PSMD2: variants seen among roughly 807,000 people sequenced by gnomAD.
PSMD2 encodes proteasome 26S subunit ubiquitin receptor, non-ATPase 2.
In PSMD2, 8 loss-of-function variants were observed where a neutral mutation model predicts 101.5. The ratio of observed to expected loss-of-function variants is 0.08; its 90% CI spans 0.05 to 0.14. PSMD2 has a LOEUF of 0.14. Ranked by LOEUF, PSMD2 falls within the 10% of genes least tolerant of loss-of-function variation. PSMD2 has a pLI of 1.00. For missense variants in PSMD2, 784 were observed against 1,147.4 expected, an observed-to-expected ratio of 0.68 and a Z score of 4.58; for synonymous variants, 418 against 433.8, an observed-to-expected ratio of 0.96 and a Z score of 0.45.
Position 184,301,829 on chromosome 3 carries a change from G to C in PSMD2, c.480-18G>C, listed in dbSNP as rs376549573. ...CCCCTGAAGCTGTGCTCTCTTAATC[G>C]TCTGGGACTATCTGTAGGCATCTGG... On this transcript the variant is annotated intron_variant, in intron 4 of 20. Coordinates refer to ENST00000310118, the MANE Select transcript of PSMD2 (RefSeq NM_002808.5). 13 of 1,613,960 alleles carry C rather than the reference G, an allele frequency of 8.1e-6. No homozygotes were observed. Among genetic ancestry groups the C allele is most frequent in the Non-Finnish European group, 1.1e-5 (13 of 1,180,000 alleles).
chr3:184,304,093 C>G lies in PSMD2; in HGVS notation c.1451+19C>G. ...TCTTTGGGTAAGGTTCCTCGCTTGT[C>G]TTTCTGGTAGTGCTCAGCCTGTACA... On this transcript the variant is annotated intron_variant, in intron 11 of 20. Coordinates refer to ENST00000310118, the MANE Select transcript of PSMD2 (RefSeq NM_002808.5). This position sits in a 1 kb window ranked among gnomAD's most constrained non-coding sequence, Gnocchi z 4.1. The G allele has an allele frequency of 6.2e-7, 1 of 1,613,676 alleles. No individual in the cohort carries two copies. Among genetic ancestry groups the G allele is most frequent in the Admixed American group, 1.7e-5 (1 of 60,020 alleles).
In PSMD2 at chr3:184,307,881, T is replaced by A; in HGVS notation, c.2299-9T>A. On this transcript the variant is annotated splice_polypyrimidine_tract_variant and intron_variant, in intron 18 of 20. Coordinates refer to ENST00000310118, the MANE Select transcript of PSMD2 (RefSeq NM_002808.5). ...ACTCCTCACCTCTACTTCCCTCTGTTTTTTTCAGGGCCTGACACATTTAGG... is the reference window on the plus strand; with the variant it reads ...ACTCCTCACCTCTACTTCCCTCTGTATTTTTCAGGGCCTGACACATTTAGG... 6.2e-7 allele frequency: 1 copy of A among 1,614,062 alleles called. No individual in the cohort carries two copies. The highest frequency in any genetic ancestry group is 1.1e-5 in the South Asian group (1 of 91,076).
Position 184,301,587 on chromosome 3 carries a change from G to A in PSMD2, c.408G>A (p.Glu136=). ...TTTTGGCCATGACCATGAGTGGGGA[G>A]CGTGAGTGCCTCAAGTATCGGCTAG... ...ISVLAMTMSG[E]RECLKYRLVG... Residue 136 remains glutamate, a synonymous_variant, in exon 4 of 21, where the codon GAG becomes GAA. Coordinates refer to ENST00000310118, the MANE Select transcript of PSMD2 (RefSeq NM_002808.5). The A allele has an allele frequency of 6.2e-7, 1 of 1,614,122 alleles. No homozygotes were observed. The highest frequency in any genetic ancestry group is 1.1e-5 in the South Asian group (1 of 91,088).
chr3:184,299,756 G>A (rs1721580292), intron 1 of PSMD2, 95 bp from the exon 2 acceptor site: 5 of 1,043,678 alleles, frequency 4.8e-6, no homozygotes, highest in African/African-American at 1.6e-5. Context: ...CCCCTCCTAA[G>A]GAGGCAGGCT....
Position 184,302,630 on chromosome 3 carries a change from T to G in PSMD2, c.864-49T>G, listed in dbSNP as rs371408918. ...CTGGTTAGGGCTTGAGGGGTTTTCC[T>G]GTGCCCTTAGTGGACAGTGATGAGC... On this transcript the variant is annotated intron_variant, in intron 6 of 20. Transcript: ENST00000310118. The G allele has an allele frequency of 3.1e-6, 5 of 1,613,070 alleles. No homozygotes were observed. The African/African-American group carries it at 5.3e-5, about 17-fold the overall frequency.
intron 13 of PSMD2, 39 bp downstream of exon 13, chr3:184,305,969 AACTG>A: frequency 6.2e-7 from 1 of 1,613,652 alleles, no homozygotes; most frequent in Non-Finnish European, 8.5e-7. Context: ...AGCTGACAGT[AACTG>A]GATACAACAG....
At chr3:184,299,423 C>T (rs1721568891) in intron 1 of PSMD2, 22 bp downstream of exon 1, 1 of 1,335,790 alleles carries the variant, frequency 7.5e-7, no homozygotes, top group Non-Finnish European at 9.6e-7. Context: ...CCCCGAGAGT[C>T]GGCGAAGGAG....
chr3:184,308,012 A>G lies in PSMD2; in HGVS notation c.2421A>G (p.Arg807=). 6.2e-7 allele frequency: 1 copy of G among 1,613,990 alleles called. No individual in the cohort carries two copies. Residue 807 remains arginine, a synonymous_variant, in exon 19 of 21, where the codon CGA becomes CGG. Transcript: ENST00000310118. This position sits in a 1 kb window ranked among gnomAD's most constrained non-coding sequence, Gnocchi z 6.0. The stretch of plus-strand genomic sequence containing the variant: ...TGCTTGTCTCTTTCCTGGATGTTCG[A>G]AACAGTGAGTTCCTGTCAGAAATTT... ...LTVLVSFLDV[R]NIILGKSHYV...
At chr3:184,306,624 G>T in intron 15 of PSMD2, 127 bp from the exon 16 acceptor site, 2 of 1,527,884 alleles carry the variant, frequency 1.3e-6, no homozygotes, top group Non-Finnish European at 8.8e-7. Flanking sequence ...GTGTGACTGG[G>T]TTCTGTATGT....
Position 184,306,351 on chromosome 3 carries a change from C to G in PSMD2, c.1806C>G (p.Gly602=). 6.2e-7 allele frequency: 1 copy of G among 1,613,690 alleles called. No individual in the cohort carries two copies. The highest frequency in any genetic ancestry group is 8.5e-7 in the Non-Finnish European group (1 of 1,179,850). The change falls in exon 15 of 21, where the codon GGC becomes GGG. Residue 602 remains glycine (G), a splice_region_variant and synonymous_variant. Transcript: ENST00000310118. ...NTLVDVCAYA[G]SGNVLKVQQL... ...TTCTCCCTCACCACCCTGACGCAGG[C>G]TCTGGGAATGTGCTGAAGGTGCAGC...
intron 3 of PSMD2, among the ~76,000 whole-genome samples, chr3:184,301,013 C>T (rs906444203): frequency 6.6e-6 from 1 of 151,952 alleles, no homozygotes; most frequent in African/African-American, 2.4e-5. Context: ...CCTCATTTAT[C>T]ACCCTTCAGC....
In PSMD2 at chr3:184,306,664, CT is replaced by C. The variant is rs1163018862; in HGVS notation, c.1951-82del. ...GGTAAAGGTGTTCCCCACAGGATGGCTTTTTATTTTCAGATGGGACTTGAGT... is the reference window on the plus strand; with the variant it reads ...GGTAAAGGTGTTCCCCACAGGATGGCTTTTATTTTCAGATGGGACTTGAGT... On this transcript the variant is annotated intron_variant, in intron 15 of 20. Transcript: ENST00000310118. 1.4e-5 allele frequency: 21 copies of C among 1,533,206 alleles called. No individual in the cohort carries two copies. In the East Asian group the frequency reaches 4.5e-4, roughly 33 times the overall value. The allele number at this position is 1,533,206 out of a possible 1,614,324, so 95.0% of individuals were successfully genotyped here. A position where few individuals can be genotyped will look rare whatever the true frequency, so the allele number is the denominator to read the frequency against.
Position 184,301,656 on chromosome 3 carries a change from C to T in PSMD2, c.477C>T (p.Val159=). Reference sequence around the variant, plus strand: ...TGGCATCATGGGGTCATGAGTATGTCAGGTAAGATCTTTCTTCTTGGGAAT... The same window carrying T: ...TGGCATCATGGGGTCATGAGTATGTTAGGTAAGATCTTTCTTCTTGGGAAT... ...EELASWGHEY[V]RHLAGEVAKE... is the part of the protein sequence containing the mutation. Residue 159 remains valine, a splice_region_variant and synonymous_variant, in exon 4 of 21, where the codon GTC becomes GTT. Transcript: ENST00000310118. 1 of 1,614,054 alleles carries T rather than the reference C, an allele frequency of 6.2e-7. No homozygotes were observed.
At chr3:184,300,244 C>G (rs1721597237) in intron 2 of PSMD2, 36 bp from the exon 3 acceptor site, 1 of 1,579,338 alleles carries the variant, frequency 6.3e-7, no homozygotes, top group African/African-American at 1.4e-5. Flanking sequence ...AGGGGTGTGA[C>G]TCCTTTTTGT....
intron 5 of PSMD2, 67 bp downstream of exon 5, chr3:184,302,138 T>C (rs901541920): frequency 3.4e-6 from 5 of 1,488,252 alleles, no homozygotes; most frequent in Non-Finnish European, 4.7e-6. Context: ...CAATTGCGCC[T>C]CCTCTATTTT....
chr3:184,304,179 A>G lies in PSMD2; in HGVS notation c.1451+105A>G. 14 of 1,553,182 alleles carry G rather than the reference A, an allele frequency of 9.0e-6. No individual in the cohort carries two copies. Among genetic ancestry groups the G allele is most frequent in the Admixed American group, 1.7e-5 (1 of 59,784 alleles). ...ATTGCCAAGGGCTACCACTGTGCCTATTGGGTATCTGGCTCTTGGTGAATG... is the reference window on the plus strand; with the variant it reads ...ATTGCCAAGGGCTACCACTGTGCCTGTTGGGTATCTGGCTCTTGGTGAATG... On this transcript the variant is annotated intron_variant, in intron 11 of 20. Transcript: ENST00000310118. The surrounding 1 kb of genome is among the most constrained non-coding windows in gnomAD (Gnocchi z 4.1).
chr3:184,306,551 G>A, intron 15 of PSMD2, 56 bp downstream of exon 15: 1 of 1,574,686 alleles, frequency 6.4e-7, no homozygotes, highest in Non-Finnish European at 8.6e-7. Context: ...TAAGCATATA[G>A]GGGAGGCTGG....
At chr3:184,303,773 A>G (rs367725157) in intron 10 of PSMD2, 24 bp downstream of exon 10, 62 of 1,611,600 alleles carry the variant, frequency 3.8e-5, no homozygotes, top group Non-Finnish European at 5.2e-5. Context: ...CAGCCTGCTC[A>G]TGGGGACTTC....
rs1029079504 is a variant in PSMD2 at position 184,308,407 on chromosome 3, T to C, written c.2426-42T>C. The C allele has an allele frequency of 4.6e-6, 7 of 1,505,744 alleles. No individual in the cohort carries two copies. Among genetic ancestry groups the C allele is most frequent in the Non-Finnish European group, 6.4e-6 (7 of 1,096,624 alleles). The allele number at this position is 1,505,744 out of a possible 1,614,324, so 93.3% of individuals were successfully genotyped here. A position where few individuals can be genotyped will look rare whatever the true frequency, so the allele number is the denominator to read the frequency against. ...CTCTCAATGTTTCTGGCCAGGCCTG[T>C]CTTTTTGTCTCTTAACTTTTTGTCC... On this transcript the variant is annotated intron_variant, in intron 19 of 20. Coordinates refer to ENST00000310118, the MANE Select transcript of PSMD2 (RefSeq NM_002808.5). The surrounding 1 kb of genome is among the most constrained non-coding windows in gnomAD (Gnocchi z 6.0).
Sources: gnomAD v4.1 joint callset for allele counts (sites outside exome capture counted in the v4.1 genomes callset) on GRCh38, gnomAD v4.1.1 for gene constraint, Gnocchi (gnomAD v3.1) non-coding constraint, MANE v1.5 for transcripts, NCBI Gene and HGNC (gene_info 2026-07-23, HGNC 2026-07-21) for gene names.